Variants in MAST4 observed in about 807,000 individuals in gnomAD.
MAST4 encodes the protein microtubule-associated serine/threonine-protein kinase 4.
A neutral mutation model predicts 162.7 loss-of-function variants in MAST4; 89 were observed. The ratio of observed to expected loss-of-function variants is 0.55; its 90% CI spans 0.46 to 0.65. The LOEUF is 0.65. Among genes scored for constraint, MAST4 ranks in the 30% least tolerant of loss-of-function variants. The pLI, the probability that MAST4 is intolerant of heterozygous loss-of-function variation, is 0.00. For missense variants in MAST4, 3,153 were observed against 3,374.0 expected, an observed-to-expected ratio of 0.93 and a Z score of 1.62; for synonymous variants, 1,479 against 1,361.1, an observed-to-expected ratio of 1.09 and a Z score of -1.91.
intron 3 of MAST4, among the ~76,000 whole-genome samples, chr5:66,817,831 C>T (rs565902915): frequency 2.0e-5 from 3 of 152,142 alleles, no homozygotes; most frequent in Non-Finnish European, 4.4e-5. Flanking sequence ...AACAGAGGGA[C>T]TTTATATCAG....
chr5:67,005,095 C>G, intron 4 of MAST4: 1 of 750,756 alleles, frequency 1.3e-6, no homozygotes, highest in South Asian at 1.4e-5. Flanking sequence ...GGTAAAAACG[C>G]GGGGATCTCT....
Position 66,601,184 on chromosome 5 carries a change from A to G in MAST4, c.363+4166A>G, listed in dbSNP as rs113872983. Among the ~76,000 whole-genome samples the G allele has an allele frequency of 4.6e-5, 7 of 152,352 alleles. 1 individual carries two copies. The highest frequency in any genetic ancestry group is 1.9e-4 in the East Asian group (1 of 5,190). ...AAGCAAGAATTCAGCAAAGCTTTTC[A>G]TTGAATTTATATTTTATTAATCACA... On this transcript the variant is annotated intron_variant, in intron 1 of 28. Transcript: ENST00000403625.
At chr5:67,075,588 A>G (rs2150693531) in intron 5 of MAST4, among the ~76,000 whole-genome samples, 1 of 152,274 alleles carries the variant, frequency 6.6e-6, no homozygotes, top group South Asian at 2.1e-4. Flanking sequence ...TGTCATCTTT[A>G]TCTTTTAGAA....
chr5:66,799,400 CT>C (rs1395688826), intron 3 of MAST4, among the ~76,000 whole-genome samples: 2 of 152,148 alleles, frequency 1.3e-5, no homozygotes, highest in Non-Finnish European at 2.9e-5. Flanking sequence ...CTCTTCCTGC[CT>C]TCTCCCCCTT....
intron 4 of MAST4, among the ~76,000 whole-genome samples, chr5:67,024,336 T>TACAC (rs775487954): frequency 0.067 from 9,419 of 141,110 alleles, 350 homozygotes; most frequent in South Asian, 0.12. Context: ...TATATATATA[T>TACAC]ACACACACAC....
rs868296316 is a variant in MAST4, at chr5:66,907,181, G to C, written c.674+7199G>C. On this transcript the variant is annotated intron_variant, in intron 4 of 28. Transcript: ENST00000403625. ...AGCGAGAGAGAGAGAGAGAGAGAGA[G>C]AGAGAGAGAGAGAGAGAGAGAGAGA... Among the ~76,000 whole-genome samples the C allele has an allele frequency of 3.3e-4, 49 of 148,748 alleles. 2 individuals are homozygous for C. In the South Asian group the frequency reaches 9.9e-3, roughly 30 times the overall value.
intron 3 of MAST4, among the ~76,000 whole-genome samples, chr5:66,811,200 C>T (rs1756458777): frequency 6.6e-6 from 1 of 152,188 alleles, no homozygotes; most frequent in East Asian, 1.9e-4. Flanking sequence ...CGCTCTGCTG[C>T]CTCTCAGCTC....
chr5:67,021,145 C>A (rs894274666), intron 4 of MAST4, among the ~76,000 whole-genome samples: 2 of 152,214 alleles, frequency 1.3e-5, no homozygotes, highest in African/African-American at 4.8e-5. Context: ...GCATGGCCTT[C>A]TCTGGTAACC....
intron 3 of MAST4, among the ~76,000 whole-genome samples, chr5:66,819,703 G>GT (rs889482198): frequency 2.0e-5 from 3 of 149,100 alleles, no homozygotes; most frequent in East Asian, 2.0e-4. Flanking sequence ...TACATTTTTT[G>GT]TTTTTTTGGG....
At chr5:66,618,517 A>G (rs1358453820) in intron 1 of MAST4, among the ~76,000 whole-genome samples, 1 of 152,220 alleles carries the variant, frequency 6.6e-6, no homozygotes, top group Non-Finnish European at 1.5e-5. Flanking sequence ...CTTTTGCTTA[A>G]ATTTAAATAC....
intron 1 of MAST4, among the ~76,000 whole-genome samples, chr5:66,754,075 G>A (rs951753160): frequency 1.3e-5 from 2 of 152,032 alleles, no homozygotes; most frequent in African/African-American, 2.4e-5. Flanking sequence ...AATAGATGCA[G>A]AAAAGGCCTT....
intron 4 of MAST4, among the ~76,000 whole-genome samples, chr5:66,975,047 G>A (rs765314096): frequency 2.0e-5 from 3 of 152,222 alleles, no homozygotes; most frequent in East Asian, 3.9e-4. Flanking sequence ...GAGATGGGGG[G>A]ATTATCCTGG....
chr5:66,947,570 C>T (rs1329418891), intron 4 of MAST4, among the ~76,000 whole-genome samples: 1 of 152,148 alleles, frequency 6.6e-6, no homozygotes, highest in African/African-American at 2.4e-5. Flanking sequence ...TACTACTCAA[C>T]ACTGCTTCTC....
At chr5:66,660,901 T>A (rs1255792298) in intron 1 of MAST4, among the ~76,000 whole-genome samples, 1 of 152,244 alleles carries the variant, frequency 6.6e-6, no homozygotes. Flanking sequence ...TAATAAAAAA[T>A]GTGTCTTCTT....
At position 66,788,762 on chromosome 5, in the gene MAST4, G is replaced by A. The variant is rs757782163; in HGVS notation, c.610G>A (p.Gly204Ser). ...NLVRMRSQAL[G>S]QSAPSLTASL... Reference sequence around the variant, plus strand: ...CGTGCGCATGCGCAGCCAGGCCCTGGGCCAGTCGGCGCCCTCGCTCACCGC... The same window carrying A: ...CGTGCGCATGCGCAGCCAGGCCCTGAGCCAGTCGGCGCCCTCGCTCACCGC... The change falls in exon 3 of 29, where the codon GGC (glycine) becomes AGC (serine). Residue 204 changes from glycine to serine, a missense_variant. Gly to Ser is a moderately conservative substitution (Grantham distance 56). This residue lies in a region of MAST4 where 327 missense variants were observed against 336.5 expected (regional missense o/e 0.97). Transcript: ENST00000403625. 2.5e-6 allele frequency: 4 copies of A among 1,605,482 alleles called. 1 individual carries two copies. The South Asian group carries it at 4.4e-5, about 18-fold the overall frequency.
intron 3 of MAST4, among the ~76,000 whole-genome samples, chr5:66,890,102 G>A (rs1197717372): frequency 7.2e-5 from 11 of 152,174 alleles, no homozygotes; most frequent in East Asian, 3.9e-4. Flanking sequence ...TTTTAAAAAC[G>A]ACGCAGAAAC....
rs148771538 is a variant in MAST4, at chr5:66,749,890, T to C, written c.364-9819T>C. On this transcript the variant is annotated intron_variant, in intron 1 of 28. Coordinates refer to ENST00000403625, the MANE Select transcript of MAST4 (RefSeq NM_001164664.2). ...CTGTAGAAGCCTGTTCTATCAAATT[T>C]TAAAATATTGATTATAGGCTTCGGT... Among the ~76,000 whole-genome samples the C allele has an allele frequency of 4.5e-3, 680 of 152,346 alleles. 7 individuals carry two copies. Among genetic ancestry groups the C allele is most frequent in the African/African-American group, 0.016 (653 of 41,578 alleles).
At chr5:67,153,009 C>G (rs1392410672) in intron 25 of MAST4, 143 bp downstream of exon 25, 1 of 677,838 alleles carries the variant, frequency 1.5e-6, no homozygotes, top group Non-Finnish European at 2.5e-6. Flanking sequence ...AGCTCCATCC[C>G]TGTATGTGTA....
intron 1 of MAST4, among the ~76,000 whole-genome samples, chr5:66,634,306 G>A (rs913694738): frequency 3.9e-5 from 6 of 152,174 alleles, no homozygotes; most frequent in African/African-American, 1.2e-4. Flanking sequence ...TGATCCGCCT[G>A]CCTTGGCCTC....
Sources: gnomAD v4.1 joint callset for allele counts (sites outside exome capture counted in the v4.1 genomes callset) on GRCh38, gnomAD v4.1.1 for gene constraint, gnomAD v4.1.1 regional missense constraint, MANE v1.5 for transcripts, NCBI Gene and HGNC (gene_info 2026-07-23, HGNC 2026-07-21) for gene names.